The following TAL1 variants were observed in gnomAD, a reference collection of about 807,000 sequenced individuals.
TAL1 encodes the protein TAL bHLH transcription factor 1, erythroid differentiation factor.
TAL1 carries 8 observed loss-of-function variants against 17.9 expected under a neutral mutation model. The observed-to-expected ratio is 0.45, with a 90% confidence interval of 0.26 to 0.81. The LOEUF is 0.81. Ranked by LOEUF, TAL1 falls within the 30% of genes least tolerant of loss-of-function variation. The pLI is 0.17. For missense variants in TAL1, 466 were observed against 486.9 expected (o/e 0.96, Z 0.40); for synonymous variants, 223 against 218.6 (o/e 1.02, Z -0.18).
intron 1 of TAL1, among the ~76,000 whole-genome samples, chr1:47,226,924 C>T (rs979928862): frequency 1.3e-5 from 2 of 152,202 alleles, no homozygotes; most frequent in African/African-American, 4.8e-5. Context: ...AGGAATACCT[C>T]CTTTATGCAT....
intron 3 of TAL1, among the ~76,000 whole-genome samples, chr1:47,221,127 C>G (rs1359797118): frequency 1.3e-5 from 2 of 152,124 alleles, no homozygotes; most frequent in Non-Finnish European, 2.9e-5. Context: ...GGCGGGGGGA[C>G]TTTATCCTAA....
exon 2 of TAL1, chr1:47,225,597 C>G: frequency 1.5e-6 from 2 of 1,312,180 alleles, no homozygotes; most frequent in Non-Finnish European, 9.6e-7. Context: ...GGGGCGGGCC[C>G]GGGAGGTCTG....
chr1:47,219,767 G>A, exon 4 of TAL1: 1 of 1,611,332 alleles, frequency 6.2e-7, no homozygotes. Context: ...GCAGGATGGA[G>A]GCTGCGGGCC....
Position 47,229,353 on chromosome 1 carries a change from T to C in TAL1, c.-159A>G, listed in dbSNP as rs925730100. 5 of 192,042 alleles carry C rather than the reference T, an allele frequency of 2.6e-5. No homozygotes were observed. Among genetic ancestry groups the C allele is most frequent in the Non-Finnish European group, 5.5e-5 (5 of 91,730 alleles). The allele number at this position is 192,042 out of a possible 1,614,324, so 11.9% of individuals were successfully genotyped here. On this transcript the variant is annotated 5_prime_UTR_variant, in exon 1 of 4. Transcript: ENST00000294339. ...CGCTGCGGTGTGGTCCTGGGCGATC[T>C]GCCGCGCCCAAAGCGAGTTTCCAGG...
intron 2 of TAL1, 149 bp from the exon 4 acceptor site, chr1:47,224,247 GACAC>G: frequency 6.3e-6 from 4 of 636,942 alleles, no homozygotes; most frequent in South Asian, 3.6e-5. Context: ...GGCACACACA[GACAC>G]ACACACACAC....
At chr1:47,221,023 C>G (rs1643786842) in intron 3 of TAL1, among the ~76,000 whole-genome samples, 1 of 152,200 alleles carries the variant, frequency 6.6e-6, no homozygotes, top group South Asian at 2.1e-4. Flanking sequence ...ATGCACAGGC[C>G]CTGCACTAGA....
chr1:47,224,246 A>C, intron 2 of TAL1, 148 bp from the exon 4 acceptor site: 1 of 650,492 alleles, frequency 1.5e-6, no homozygotes, highest in East Asian at 2.7e-5. Context: ...AGGCACACAC[A>C]GACACACACA....
intron 1 of TAL1, among the ~76,000 whole-genome samples, chr1:47,226,431 C>G (rs1342447916): frequency 6.6e-6 from 1 of 152,036 alleles, no homozygotes; most frequent in African/African-American, 2.4e-5. Flanking sequence ...AAACCCGGTG[C>G]GGATGGAAGT....
exon 4 of TAL1, chr1:47,219,841 C>T (rs1170829059): frequency 4.4e-6 from 7 of 1,600,810 alleles, no homozygotes; most frequent in Non-Finnish European, 5.1e-6. Flanking sequence ...CAGGGAGCTG[C>T]CGCAGCTGGA....
At chr1:47,219,284 C>G in exon 4 of TAL1, 2 of 468,370 alleles carry the variant, frequency 4.3e-6, no homozygotes, top group South Asian at 3.9e-5. Context: ...TAAATATGGA[C>G]AGAAGTGGCC....
intron 1 of TAL1, among the ~76,000 whole-genome samples, chr1:47,227,009 G>A (rs917139001): frequency 6.6e-6 from 1 of 152,196 alleles, no homozygotes; most frequent in Admixed American, 6.5e-5. Flanking sequence ...CTGCCTGGCC[G>A]AATGTCAAGT....
In TAL1 at chr1:47,220,409, C is replaced by T. The variant is rs370474526; in HGVS notation, c.542-235G>A. On this transcript the variant is annotated intron_variant, in intron 3 of 3. Transcript: ENST00000294339. The stretch of plus-strand genomic sequence containing the variant: ...CCGCAATCCCTGGAGTTCCATCACT[C>T]TTGATCATTACTTATGTTTCTGTGC... Among the ~76,000 whole-genome samples the T allele has an allele frequency of 6.6e-5, 10 of 152,322 alleles. No individual in the cohort carries two copies. In the South Asian group the frequency reaches 2.1e-3, roughly 32 times the overall value.
chr1:47,217,333 G>A (rs979371848), exon 4 of TAL1: 1 of 393,242 alleles, frequency 2.5e-6, no homozygotes, highest in Non-Finnish European at 4.5e-6. Context: ...GCTGCAGACA[G>A]CAATGATGGC....
chr1:47,219,276 A>T, exon 4 of TAL1: 1 of 458,848 alleles, frequency 2.2e-6, no homozygotes, highest in Non-Finnish European at 4.1e-6. Context: ...GGTACCTATA[A>T]ATATGGACAG....
rs570675192 is a variant in TAL1 at position 47,223,652 on chromosome 1, T to G, written c.541+352A>C. The G allele has an allele frequency of 2.1e-4, 42 of 197,936 alleles. 2 individuals are homozygous for G. The South Asian group carries it at 5.4e-3, about 26-fold the overall frequency. The allele number at this position is 197,936 out of a possible 1,614,324, so 12.3% of individuals were successfully genotyped here. ...GGGGGATCGGGGGACACTGTGTGAT[T>G]CTGCGCCCACTTGGGATCCTTGCCA... On this transcript the variant is annotated intron_variant, in intron 3 of 3. Coordinates refer to ENST00000294339, the Ensembl canonical transcript of TAL1.
At chr1:47,217,522 T>TA (rs1183360470) in exon 4 of TAL1, 1 of 398,476 alleles carries the variant, frequency 2.5e-6, no homozygotes, top group Non-Finnish European at 4.4e-6. Flanking sequence ...ACTGCCTAGG[T>TA]CGTGGACTCA....
exon 4 of TAL1, chr1:47,216,484 C>G (rs1402906600): frequency 4.3e-6 from 1 of 230,494 alleles, no homozygotes; most frequent in Non-Finnish European, 8.6e-6. Context: ...CGCAATTCAT[C>G]ACATACAGTA....
In TAL1 at chr1:47,221,580, C is replaced by T. The variant is rs527949813; in HGVS notation, c.542-1406G>A. Reference sequence around the variant, plus strand: ...TCTCTCCCTAACATCGAGGCACAAGCCAGGGTCACATAGTCCAGGAAGCTC... The same window carrying T: ...TCTCTCCCTAACATCGAGGCACAAGTCAGGGTCACATAGTCCAGGAAGCTC... On this transcript the variant is annotated intron_variant, in intron 3 of 3. Coordinates refer to ENST00000294339, the Ensembl canonical transcript of TAL1. Among the ~76,000 whole-genome samples, 172 of 152,284 alleles carry T rather than the reference C, an allele frequency of 1.1e-3. 1 individual carries two copies. The highest frequency in any genetic ancestry group is 4.0e-3 in the African/African-American group (166 of 41,552).
chr1:47,219,007 T>A, exon 4 of TAL1: 1 of 282,144 alleles, frequency 3.5e-6, no homozygotes, highest in Non-Finnish European at 6.8e-6. Flanking sequence ...GCAGACATTG[T>A]CTCCACAGCC....
Sources: allele counts gnomAD v4.1 joint callset (sites outside exome capture counted in the v4.1 genomes callset), GRCh38; gene constraint gnomAD v4.1.1; transcripts MANE v1.5; gene names NCBI Gene and HGNC (gene_info 2026-07-23, HGNC 2026-07-21).